GLS: variants seen among roughly 807,000 people sequenced by gnomAD.
GLS encodes the protein glutaminase.
Under a neutral mutation model 86.7 loss-of-function variants are expected in GLS, and 36 were observed. The ratio of observed to expected loss-of-function variants is 0.42; its 90% CI spans 0.32 to 0.55. The LOEUF (loss-of-function observed/expected upper bound fraction) is 0.55, where lower values mean the gene tolerates loss of function less well. Among genes scored for constraint, GLS ranks in the 20% least tolerant of loss-of-function variants. The pLI, the probability that GLS is intolerant of heterozygous loss-of-function variation, is 0.17. For synonymous variants in GLS, 317 were observed against 305.9 expected (o/e 1.04, Z -0.38); for missense variants, 528 against 833.4 (o/e 0.63, Z 4.51).
chr2:190,926,846 C>T (rs1274633158), intron 11 of GLS, among the ~76,000 whole-genome samples: 2 of 152,286 alleles, frequency 1.3e-5, no homozygotes, highest in East Asian at 3.9e-4. Context: ...GGTGAAATGT[C>T]AGGCACTGTA....
intron 1 of GLS, among the ~76,000 whole-genome samples, chr2:190,888,902 A>G (rs1468340401): frequency 1.3e-5 from 2 of 152,218 alleles, no homozygotes; most frequent in East Asian, 1.9e-4. Context: ...TTAAATATAC[A>G]TAACATAAAA....
chr2:190,933,737 T>C (rs1690182239), intron 14 of GLS: 2 of 836,054 alleles, frequency 2.4e-6, no homozygotes, highest in South Asian at 5.5e-5. Flanking sequence ...ATGGCAAATT[T>C]TGGTTTTTAG....
In GLS at chr2:190,965,526, T is replaced by C. The variant is rs1383486621; in HGVS notation, c.*2540T>C. 2.0e-5 allele frequency: 3 copies of C among 152,522 alleles called. No individual in the cohort carries two copies. Among genetic ancestry groups the C allele is most frequent in the East Asian group, 3.9e-4 (2 of 5,192 alleles). 9.4% of individuals were successfully genotyped at this position (152,522 alleles called of 1,614,324 possible). On this transcript the variant is annotated 3_prime_UTR_variant, in exon 18 of 18. Transcript: ENST00000320717. This position sits in a 1 kb window ranked among gnomAD's most constrained non-coding sequence, Gnocchi z 5.0. ...TCAGGTAGTGTTGCTTTTTACAGCA[T>C]AATAAATATATGTATCAAAAAAAAA... is the stretch of plus-strand genomic sequence containing the variant.
intron 1 of GLS, among the ~76,000 whole-genome samples, chr2:190,891,798 T>A (rs1397584124): frequency 6.6e-6 from 1 of 152,156 alleles, no homozygotes; most frequent in Admixed American, 6.5e-5. Flanking sequence ...TAAGTATTCA[T>A]ATAATAGCCT....
rs1199485642 is a variant in GLS, at chr2:190,964,519, A to AT, written c.*1537dup. The AT allele has an allele frequency of 6.6e-6, 1 of 151,896 alleles. No individual in the cohort carries two copies. Among genetic ancestry groups the AT allele is most frequent in the Non-Finnish European group, 1.5e-5 (1 of 67,962 alleles). The allele number at this position is 151,896 out of a possible 1,614,324, so 9.4% of individuals were successfully genotyped here. On this transcript the variant is annotated 3_prime_UTR_variant, in exon 18 of 18. Transcript: ENST00000320717. This position sits in a 1 kb window ranked among gnomAD's most constrained non-coding sequence, Gnocchi z 5.2. ...ACTCCAGCAGCCTCCAGGTGCTTTC[A>AT]TTTTCACTTCCAGTCTAAGCCAGTG...
At chr2:190,891,554 A>T (rs1456942995) in intron 1 of GLS, among the ~76,000 whole-genome samples, 1 of 152,110 alleles carries the variant, frequency 6.6e-6, no homozygotes, top group Non-Finnish European at 1.5e-5. Flanking sequence ...TTAAGTTAGG[A>T]ATAAATAGTG....
At chr2:190,946,330 C>G (rs1297278809) in intron 14 of GLS, among the ~76,000 whole-genome samples, 1 of 152,088 alleles carries the variant, frequency 6.6e-6, no homozygotes, top group South Asian at 2.1e-4. Context: ...TATAATCTGC[C>G]AAGTTGGAGT....
intron 14 of GLS, chr2:190,933,005 T>C (rs762316925): frequency 2.3e-5 from 27 of 1,182,984 alleles, no homozygotes; most frequent in Non-Finnish European, 2.8e-5. Flanking sequence ...TTTTTTCCTT[T>C]TAATCTTTGT....
In GLS at chr2:190,905,818, G is replaced by T. The variant is rs1689113989; in HGVS notation, c.979+651G>T. On this transcript the variant is annotated intron_variant, in intron 6 of 17. Coordinates refer to ENST00000320717, the MANE Select transcript of GLS (RefSeq NM_014905.5). This position sits in a 1 kb window ranked among gnomAD's most constrained non-coding sequence, Gnocchi z 4.6. ...GCAAACTAAGTTAAACTAGTCCCAT[G>T]GTTTGGTTTCTGTTTTTTAATCTTC... Among the ~76,000 whole-genome samples, 1 of 151,992 alleles carries T rather than the reference G, an allele frequency of 6.6e-6. No homozygotes were observed. The highest frequency in any genetic ancestry group is 6.5e-5 in the Admixed American group (1 of 15,268).
rs776875141 is a variant in GLS, at chr2:190,881,067, G to A, written c.-18G>A. 6.5e-7 allele frequency: 1 copy of A among 1,545,264 alleles called. No homozygotes were observed. The highest frequency in any genetic ancestry group is 2.4e-5 in the East Asian group (1 of 41,304). On this transcript the variant is annotated 5_prime_UTR_variant, in exon 1 of 18. Coordinates refer to ENST00000320717, the MANE Select transcript of GLS (RefSeq NM_014905.5). ...GAGCATCCTCCCCTGTTGAGCGGGC[G>A]CTGACGGACCCGGCGGCATGATGCG...
At chr2:190,891,812 G>A (rs909186202) in intron 1 of GLS, among the ~76,000 whole-genome samples, 2 of 152,028 alleles carry the variant, frequency 1.3e-5, no homozygotes, top group African/African-American at 4.8e-5. Context: ...ATAGCCTATA[G>A]GTAGAAACAG....
chr2:190,912,211 C>G (rs1324968026), intron 7 of GLS, among the ~76,000 whole-genome samples: 1 of 152,032 alleles, frequency 6.6e-6, no homozygotes, highest in Non-Finnish European at 1.5e-5. Flanking sequence ...CTTGTACCTA[C>G]AAATTTGATC....
At chr2:190,908,290 T>C (rs902507173) in intron 6 of GLS, among the ~76,000 whole-genome samples, 8 of 152,228 alleles carry the variant, frequency 5.3e-5, no homozygotes, top group Admixed American at 1.3e-4. Context: ...TTTTTCGTTC[T>C]TTAGTATATG....
intron 1 of GLS, among the ~76,000 whole-genome samples, chr2:190,885,974 G>A (rs915891604): frequency 2.0e-5 from 3 of 151,990 alleles, no homozygotes; most frequent in African/African-American, 7.3e-5. Context: ...CTGGGTTCAA[G>A]TCGTTCTCCT....
chr2:190,916,125 T>TC (rs1188873524), intron 7 of GLS, among the ~76,000 whole-genome samples: 2 of 152,186 alleles, frequency 1.3e-5, no homozygotes, highest in African/African-American at 4.8e-5. Flanking sequence ...TATCCACTGA[T>TC]ATATGAACTA....
In GLS at chr2:190,964,221, G is replaced by A. The variant is rs1008327490; in HGVS notation, c.*1235G>A. 6.6e-6 allele frequency: 1 copy of A among 151,872 alleles called. No homozygotes were observed. Among genetic ancestry groups the A allele is most frequent in the Non-Finnish European group, 1.5e-5 (1 of 67,982 alleles). 9.4% of individuals were successfully genotyped at this position (151,872 alleles called of 1,614,324 possible). On this transcript the variant is annotated 3_prime_UTR_variant, in exon 18 of 18. Transcript: ENST00000320717. This position sits in a 1 kb window ranked among gnomAD's most constrained non-coding sequence, Gnocchi z 5.2. ...GATTCATTTGGAAAGTGGGTAAAAGGGGCTTCAAAAAACGGATAGAACAGG... is the reference window on the plus strand; with the variant it reads ...GATTCATTTGGAAAGTGGGTAAAAGAGGCTTCAAAAAACGGATAGAACAGG...
chr2:190,954,448 G>T lies in GLS; in HGVS notation c.1713-136G>T. 1.6e-6 allele frequency: 1 copy of T among 633,392 alleles called. No individual in the cohort carries two copies. The highest frequency in any genetic ancestry group is 2.0e-5 in the South Asian group (1 of 49,848). 39.2% of individuals were successfully genotyped at this position (633,392 alleles called of 1,614,324 possible). On this transcript the variant is annotated intron_variant, in intron 15 of 17. Coordinates refer to ENST00000320717, the MANE Select transcript of GLS (RefSeq NM_014905.5). This position sits in a 1 kb window ranked among gnomAD's most constrained non-coding sequence, Gnocchi z 4.0. ...AAACACCTGTGTACTGGTTAATAAG[G>T]TCGGTAGTTCCCATTAATGAGCTTG...
intron 14 of GLS, among the ~76,000 whole-genome samples, chr2:190,950,691 G>A (rs915205135): frequency 3.9e-5 from 6 of 152,156 alleles, no homozygotes; most frequent in Non-Finnish European, 8.8e-5. Context: ...GGTAACCCGT[G>A]TTGGCCCTGT....
In GLS at chr2:190,895,522, C is replaced by T; in HGVS notation, c.484-82C>T. 1.0e-6 allele frequency: 1 copy of T among 976,672 alleles called. No homozygotes were observed. The highest frequency in any genetic ancestry group is 2.0e-5 in the South Asian group (1 of 49,714). 60.5% of individuals were successfully genotyped at this position (976,672 alleles called of 1,614,324 possible). A position where few individuals can be genotyped will look rare whatever the true frequency, so the allele number is the denominator to read the frequency against. On this transcript the variant is annotated intron_variant, in intron 2 of 17. Transcript: ENST00000320717. This position sits in a 1 kb window ranked among gnomAD's most constrained non-coding sequence, Gnocchi z 4.2. ...AGTGTTGGGTAGAAGTTTTTATATA[C>T]AGGAATAAAATCTTATAGTTGGTAT...
Sources: gnomAD v4.1 joint callset for allele counts (sites outside exome capture counted in the v4.1 genomes callset) on GRCh38, gnomAD v4.1.1 for gene constraint, Gnocchi (gnomAD v3.1) non-coding constraint, MANE v1.5 for transcripts, NCBI Gene and HGNC (gene_info 2026-07-23, HGNC 2026-07-21) for gene names.